The following DOP1B variants were observed in gnomAD, a reference collection of about 807,000 sequenced individuals.
The protein encoded by DOP1B is protein DOP1B.
In DOP1B, 174 loss-of-function variants were observed where a neutral mutation model predicts 233.5. The observed-to-expected ratio is 0.75, with a 90% confidence interval of 0.66 to 0.85. DOP1B has a LOEUF of 0.85. DOP1B is among the 40% of genes least tolerant of loss of function. The pLI, the probability that DOP1B is intolerant of heterozygous loss-of-function variation, is 0.00. For synonymous variants in DOP1B, 1,190 were observed against 1,185.6 expected, an observed-to-expected ratio of 1.00 and a Z score of -0.08; for missense variants, 2,652 against 2,846.6, an observed-to-expected ratio of 0.93 and a Z score of 1.56.
intron 26 of DOP1B, among the ~76,000 whole-genome samples, chr21:36,268,996 T>A (rs761543273): frequency 6.6e-6 from 1 of 151,950 alleles, no homozygotes; most frequent in African/African-American, 2.4e-5. Flanking sequence ...ACCACTACAC[T>A]CCAGCCTGGT....
chr21:36,279,201 AG>A (rs533812632), intron 30 of DOP1B, among the ~76,000 whole-genome samples: 156 of 151,782 alleles, frequency 1.0e-3, no homozygotes, highest in African/African-American at 3.6e-3. Flanking sequence ...GCTTGAGCCC[AG>A]GAGTTGGAGA....
chr21:36,215,401 G>A (rs1232216003), intron 9 of DOP1B, among the ~76,000 whole-genome samples: 2 of 152,002 alleles, frequency 1.3e-5, no homozygotes, highest in African/African-American at 4.8e-5. Context: ...ATGAATGAAT[G>A]AATGAACGAA....
Position 36,292,228 on chromosome 21 carries a change from T to G in DOP1B, c.6640T>G (p.Phe2214Val), listed in dbSNP as rs1319158487. ...GATTCTAGAACTTCTAAAATTAAAG[T>G]TTGGGGTAAGTGCTTTTCTTTTCTT... Reference protein sequence around the residue: ...VRILELLKLKFGEISSSDEIT... With the variant: ...VRILELLKLKVGEISSSDEIT... Residue 2214 changes from phenylalanine to valine, a missense_variant, in exon 36 of 37, where the codon TTT becomes GTT. By Grantham distance (50) the Phe-to-Val change is conservative. Coordinates refer to ENST00000691173, the MANE Select transcript of DOP1B (RefSeq NM_001320714.2). The G allele has an allele frequency of 6.3e-7, 1 of 1,584,766 alleles. No homozygotes were observed. Among genetic ancestry groups the G allele is most frequent in the Non-Finnish European group, 8.5e-7 (1 of 1,171,518 alleles).
intron 2 of DOP1B, among the ~76,000 whole-genome samples, chr21:36,179,462 A>G (rs1298273421): frequency 6.6e-5 from 10 of 152,240 alleles, no homozygotes. Context: ...AAAATCAGTA[A>G]GTGGTCATTG....
chr21:36,263,814 G>T lies in DOP1B; in HGVS notation c.5487G>T (p.Gln1829His). Residue 1829 changes from glutamine to histidine, a missense_variant and splice_region_variant, in exon 26 of 37, where the codon CAG (glutamine) becomes CAT (histidine). Physicochemically the swap from Gln to His is conservative, Grantham distance 24 (BLOSUM62 0). Coordinates refer to ENST00000691173, the MANE Select transcript of DOP1B (RefSeq NM_001320714.2). Reference protein sequence around the residue: ...LENKKDQKDLQEITQKILEAV... With the variant: ...LENKKDQKDLHEITQKILEAV... Reference sequence around the variant, plus strand: ...ACAAGAAGGACCAAAAAGACCTGCAGGTTTGTATATGAAAGAGGTTCAGCC... The same window carrying T: ...ACAAGAAGGACCAAAAAGACCTGCATGTTTGTATATGAAAGAGGTTCAGCC... The T allele has an allele frequency of 6.2e-7, 1 of 1,614,182 alleles. No individual in the cohort carries two copies. Among genetic ancestry groups the T allele is most frequent in the Non-Finnish European group, 8.5e-7 (1 of 1,180,036 alleles).
intron 2 of DOP1B, among the ~76,000 whole-genome samples, chr21:36,180,581 A>G (rs887389517): frequency 4.0e-5 from 4 of 99,358 alleles, no homozygotes; most frequent in African/African-American, 1.9e-4. Context: ...TCGGTCTCAA[A>G]AAAAGAAAAA....
intron 26 of DOP1B, among the ~76,000 whole-genome samples, chr21:36,264,687 G>A (rs917860947): frequency 1.3e-5 from 2 of 151,846 alleles, no homozygotes; most frequent in African/African-American, 4.8e-5. Context: ...TGGCTGGTCT[G>A]GTCTCAGACT....
In DOP1B at chr21:36,248,549, T is replaced by C; in HGVS notation, c.4979T>C (p.Val1660Ala). ...GGGGCCACGAAGGGATCCTCTTCCGTTTACTTTAAAACCACCAAAGTAAGA... is the reference window on the plus strand; with the variant it reads ...GGGGCCACGAAGGGATCCTCTTCCGCTTACTTTAAAACCACCAAAGTAAGA... ...LLGATKGSSS[V>A]YFKTTKTIRQ... Residue 1660 changes from valine to alanine, a missense_variant, in exon 21 of 37, where the codon GTT becomes GCT. Transcript: ENST00000691173. The C allele has an allele frequency of 6.2e-7, 1 of 1,609,698 alleles. No homozygotes were observed. The highest frequency in any genetic ancestry group is 8.5e-7 in the Non-Finnish European group (1 of 1,178,536).
chr21:36,213,671 TG>T (rs769759536), intron 7 of DOP1B, among the ~76,000 whole-genome samples: 8 of 151,796 alleles, frequency 5.3e-5, no homozygotes, highest in Non-Finnish European at 1.2e-4. Flanking sequence ...CCCAAGTAGC[TG>T]GGATTACAGG....
intron 5 of DOP1B, 134 bp downstream of exon 5, chr21:36,209,038 C>T (rs955252541): frequency 4.0e-5 from 42 of 1,053,436 alleles, no homozygotes; most frequent in Non-Finnish European, 4.8e-5. Flanking sequence ...GTCTGGGTAA[C>T]GAACGGCTGA....
chr21:36,272,039 G>T (rs1394731626), intron 27 of DOP1B, among the ~76,000 whole-genome samples: 1 of 151,976 alleles, frequency 6.6e-6, no homozygotes, highest in East Asian at 1.9e-4. Context: ...CCCAGTGCCA[G>T]TAGAGCTTAA....
intron 15 of DOP1B, among the ~76,000 whole-genome samples, chr21:36,233,948 T>C (rs1159846320): frequency 1.3e-5 from 2 of 151,912 alleles, no homozygotes; most frequent in African/African-American, 4.8e-5. Flanking sequence ...CTGCCTCCCA[T>C]GTTCAAGCAA....
intron 32 of DOP1B, among the ~76,000 whole-genome samples, chr21:36,284,609 T>C (rs927739636): frequency 1.3e-5 from 2 of 151,918 alleles, no homozygotes; most frequent in African/African-American, 4.8e-5. Context: ...CCTCTCAAAT[T>C]TGGGAGGAAG....
intron 35 of DOP1B, 91 bp downstream of exon 35, chr21:36,289,297 A>G (rs1277058194): frequency 1.5e-6 from 2 of 1,338,008 alleles, no homozygotes; most frequent in African/African-American, 3.0e-5. Flanking sequence ...TGTACAGTTT[A>G]TGGGAAACCA....
rs761191720 is a variant in DOP1B at position 36,288,133 on chromosome 21, A to G, written c.6280A>G (p.Ile2094Val). The change falls in exon 33 of 37, where the codon ATA becomes GTA. Residue 2094 changes from isoleucine to valine, a missense_variant. Ile to Val is a conservative substitution (Grantham distance 29, BLOSUM62 3). This residue lies in a region of DOP1B where 2,617 missense variants were observed against 2,794.3 expected (regional missense o/e 0.94). Transcript: ENST00000691173. ...TCAACATTTGACTTCATTGTGGCCA[A>G]TAATGGTCTCTGAATTGGTGAGTAC... ...SPQHLTSLWP[I>V]MVSELIQTFT... The G allele has an allele frequency of 3.1e-6, 5 of 1,613,664 alleles. No homozygotes were observed. The African/African-American group carries it at 4.0e-5, about 13-fold the overall frequency.
At chr21:36,204,068 TGTA>T (rs1381516697) in intron 4 of DOP1B, among the ~76,000 whole-genome samples, 1 of 152,148 alleles carries the variant, frequency 6.6e-6, no homozygotes, top group African/African-American at 2.4e-5. Context: ...TAATTTTCAA[TGTA>T]GTAGTAATTT....
At chr21:36,179,716 A>G (rs1410085754) in intron 2 of DOP1B, among the ~76,000 whole-genome samples, 1 of 152,222 alleles carries the variant, frequency 6.6e-6, no homozygotes, top group Non-Finnish European at 1.5e-5. Flanking sequence ...AACAGTTTAC[A>G]TATAGCCCAC....
At chr21:36,212,645 A>G (rs1366316951) in intron 7 of DOP1B, among the ~76,000 whole-genome samples, 1 of 152,228 alleles carries the variant, frequency 6.6e-6, no homozygotes, top group Non-Finnish European at 1.5e-5. Flanking sequence ...CCTCCCAGGG[A>G]CAGAGCCTAG....
intron 2 of DOP1B, chr21:36,170,352 C>G (rs552618452): frequency 5.1e-4 from 124 of 244,664 alleles, no homozygotes; most frequent in African/African-American, 2.7e-3. Context: ...AATCCCAGCA[C>G]TCTGGGAGGC....
Sources: gnomAD v4.1 joint callset for allele counts (sites outside exome capture counted in the v4.1 genomes callset) on GRCh38, gnomAD v4.1.1 for gene constraint, gnomAD v4.1.1 regional missense constraint, MANE v1.5 for transcripts, NCBI Gene and HGNC (gene_info 2026-07-23, HGNC 2026-07-21) for gene names.